Variants in DDHD1 observed in about 807,000 individuals in gnomAD.
DDHD1 encodes the protein phospholipase DDHD1.
Under a neutral mutation model 96.4 loss-of-function variants are expected in DDHD1, and 49 were observed. The ratio of observed to expected loss-of-function variants is 0.51; its 90% CI spans 0.40 to 0.64. DDHD1 has a LOEUF of 0.64. Ranked by LOEUF, DDHD1 falls within the 30% of genes least tolerant of loss-of-function variation. DDHD1 has a pLI of 0.00. For synonymous variants in DDHD1, 442 were observed against 446.5 expected, an observed-to-expected ratio of 0.99 and a Z score of 0.13; for missense variants, 1,106 against 1,161.2, an observed-to-expected ratio of 0.95 and a Z score of 0.69.
chr14:53,075,645 G>A (rs1180147777), intron 4 of DDHD1, among the ~76,000 whole-genome samples: 1 of 152,178 alleles, frequency 6.6e-6, no homozygotes, highest in African/African-American at 2.4e-5. Context: ...TATTCTCAAT[G>A]TAGACAAAAA....
intron 1 of DDHD1, among the ~76,000 whole-genome samples, chr14:53,117,378 T>A (rs893137775): frequency 2.0e-5 from 3 of 152,064 alleles, no homozygotes; most frequent in Non-Finnish European, 4.4e-5. Context: ...TCAGGGGATT[T>A]CCCTTTCCTA....
At chr14:53,108,507 C>G (rs1368374868) in intron 1 of DDHD1, among the ~76,000 whole-genome samples, 1 of 152,176 alleles carries the variant, frequency 6.6e-6, no homozygotes, top group Non-Finnish European at 1.5e-5. Flanking sequence ...CCCCTGGTAA[C>G]AGTGCCATTG....
intron 1 of DDHD1, among the ~76,000 whole-genome samples, chr14:53,135,631 T>C (rs145856374): frequency 1.3e-5 from 2 of 152,322 alleles, no homozygotes; most frequent in Non-Finnish European, 2.9e-5. Flanking sequence ...CATTTTAACA[T>C]TCCTGAACAG....
In DDHD1 at chr14:53,153,047, C is replaced by G. The variant is rs1595290306; in HGVS notation, c.52G>C (p.Gly18Arg). The G allele has an allele frequency of 6.7e-7, 1 of 1,493,966 alleles. No individual in the cohort carries two copies. 92.5% of individuals were successfully genotyped at this position (1,493,966 alleles called of 1,614,324 possible). A position where few individuals can be genotyped will look rare whatever the true frequency, so the allele number is the denominator to read the frequency against. The change falls in exon 1 of 13, where the codon GGC (glycine) becomes CGC (arginine). Residue 18 changes from glycine to arginine, a missense_variant. Physicochemically the swap from Gly to Arg is moderately radical, Grantham distance 125. Coordinates refer to ENST00000673822, the MANE Select transcript of DDHD1 (RefSeq NM_001160148.2). Reference protein sequence around the residue: ...SPRSPEHNGRGGGGGAWELGS... With the variant: ...SPRSPEHNGRRGGGGAWELGS... Reference sequence around the variant, plus strand: ...AGCTCCCAGGCGCCGCCGCCGCCGCCTCGGCCGTTATGCTCGGGGCTCCGT... The same window carrying G: ...AGCTCCCAGGCGCCGCCGCCGCCGCGTCGGCCGTTATGCTCGGGGCTCCGT...
At chr14:53,065,608 CT>C (rs1883951438) in intron 6 of DDHD1, among the ~76,000 whole-genome samples, 1 of 152,118 alleles carries the variant, frequency 6.6e-6, no homozygotes, top group African/African-American at 2.4e-5. Context: ...AACTTTTCCC[CT>C]AACCATGACT....
rs538049091 is a variant in DDHD1, at chr14:53,117,500, A to T, written c.839-13644T>A. Among the ~76,000 whole-genome samples the T allele has an allele frequency of 2.9e-3, 439 of 152,300 alleles. 6 individuals carry two copies. The Middle Eastern group carries it at 0.044, about 15-fold the overall frequency. On this transcript the variant is annotated intron_variant, in intron 1 of 12. Transcript: ENST00000673822. ...GCAGACCAGGAGATACCCTCCTGTC[A>T]CTGGTTTGGCAGGTCCCACACCCAC...
At chr14:53,092,295 T>C (rs1886494580) in intron 3 of DDHD1, 2 of 156,966 alleles carry the variant, frequency 1.3e-5, no homozygotes, top group African/African-American at 4.8e-5. Context: ...AGAGAGAGCT[T>C]ACTAATTAAA....
chr14:53,128,041 T>G (rs868318615), intron 1 of DDHD1, among the ~76,000 whole-genome samples: 2 of 152,124 alleles, frequency 1.3e-5, no homozygotes, highest in Admixed American at 6.5e-5. Flanking sequence ...TCTCACGAGA[T>G]CTAATGGTTT....
chr14:53,065,270 C>G (rs28512398), intron 6 of DDHD1, among the ~76,000 whole-genome samples: 4,701 of 152,196 alleles, frequency 0.031, 240 homozygotes, highest in African/African-American at 0.1. Context: ...TAGAGTTAGT[C>G]CTTTGTTCTC....
At chr14:53,140,855 A>C (rs1200316645) in intron 1 of DDHD1, among the ~76,000 whole-genome samples, 1 of 152,224 alleles carries the variant, frequency 6.6e-6, no homozygotes, top group Non-Finnish European at 1.5e-5. Context: ...TACAGGTTTA[A>C]AAGTAAAAGG....
chr14:53,067,158 T>TTTC (rs1367769509), intron 6 of DDHD1, among the ~76,000 whole-genome samples: 3 of 143,192 alleles, frequency 2.1e-5, no homozygotes, highest in African/African-American at 7.6e-5. Flanking sequence ...TTCCTTTTCT[T>TTTC]TTTTTTTTTT....
intron 7 of DDHD1, among the ~76,000 whole-genome samples, chr14:53,062,035 C>CAAA (rs779302322): frequency 6.5e-5 from 5 of 76,784 alleles, no homozygotes; most frequent in East Asian, 3.5e-4. Context: ...ACTCCGTCTC[C>CAAA]AAAAAAAAAA....
intron 4 of DDHD1, among the ~76,000 whole-genome samples, chr14:53,086,931 A>G (rs2078577365): frequency 6.7e-6 from 1 of 149,856 alleles, no homozygotes; most frequent in Admixed American, 6.7e-5. Flanking sequence ...CACAGGCCCA[A>G]AATAAAGGGG....
intron 1 of DDHD1, among the ~76,000 whole-genome samples, chr14:53,136,788 A>C (rs1253971882): frequency 6.6e-6 from 1 of 152,204 alleles, no homozygotes; most frequent in Non-Finnish European, 1.5e-5. Context: ...GCTCAAAAGA[A>C]AGCCTTGGTA....
intron 1 of DDHD1, among the ~76,000 whole-genome samples, chr14:53,148,746 G>T (rs1375197385): frequency 1.3e-5 from 2 of 152,170 alleles, no homozygotes; most frequent in Non-Finnish European, 2.9e-5. Flanking sequence ...CCTCTGATGA[G>T]GTACTGAGTA....
At chr14:53,066,562 C>T (rs12897611) in intron 6 of DDHD1, among the ~76,000 whole-genome samples, 4 of 152,232 alleles carry the variant, frequency 2.6e-5, no homozygotes, top group Non-Finnish European at 4.4e-5. Flanking sequence ...TAGTCCTAAT[C>T]ATTCCTTCCC....
At chr14:53,132,448 A>G (rs1349564432) in intron 1 of DDHD1, among the ~76,000 whole-genome samples, 1 of 152,086 alleles carries the variant, frequency 6.6e-6, no homozygotes, top group Admixed American at 6.5e-5. Flanking sequence ...TCCAGGCCCA[A>G]TCGCCAATCA....
In DDHD1 at chr14:53,068,331, C is replaced by A. The variant is rs138849942; in HGVS notation, c.1503+4266G>T. ...TGAGAACAGCTCACTGCAGCCTCGA[C>A]CTCCCAGGCTCAAGCAGTCCTCCTC... On this transcript the variant is annotated intron_variant, in intron 6 of 12. Coordinates refer to ENST00000673822, the MANE Select transcript of DDHD1 (RefSeq NM_001160148.2). 7.4e-4 allele frequency among the ~76,000 whole-genome samples: 112 copies of A among 150,628 alleles called. 1 individual carries two copies. The highest frequency in any genetic ancestry group is 1.4e-3 in the Non-Finnish European group (93 of 67,870).
intron 1 of DDHD1, among the ~76,000 whole-genome samples, chr14:53,149,499 A>G (rs543451882): frequency 5.3e-5 from 8 of 152,352 alleles, no homozygotes; most frequent in African/African-American, 1.7e-4. Context: ...ACCCTCCTAG[A>G]AAGTGTGAAA....
Sources: allele counts gnomAD v4.1 joint callset (sites outside exome capture counted in the v4.1 genomes callset), GRCh38; gene constraint gnomAD v4.1.1; transcripts MANE v1.5; gene names NCBI Gene and HGNC (gene_info 2026-07-23, HGNC 2026-07-21).